The following CECR2 variants were observed in gnomAD, a reference collection of about 807,000 sequenced individuals.
The protein encoded by CECR2 is CECR2 histone acetyl-lysine reader.
CECR2 carries 30 observed loss-of-function variants against 154.5 expected under a neutral mutation model. That is an observed-to-expected ratio of 0.19 (90% CI 0.15 to 0.26). CECR2 has a LOEUF of 0.26. Ranked by LOEUF, CECR2 falls within the 10% of genes least tolerant of loss-of-function variation. CECR2 has a pLI of 1.00. For missense variants in CECR2, 1,743 were observed against 1,829.3 expected (o/e 0.95, Z 0.86); for synonymous variants, 725 against 683.7 (o/e 1.06, Z -0.94).
chr22:17,396,069 G>A (rs62241131), intron 1 of CECR2, among the ~76,000 whole-genome samples: 44,066 of 150,072 alleles, frequency 0.29, 7,246 homozygotes, highest in South Asian at 0.45. Context: ...TCGAGACCTC[G>A]TCTCTACGAA....
chr22:17,523,739 G>A (rs1229703352), intron 8 of CECR2, among the ~76,000 whole-genome samples: 2 of 130,394 alleles, frequency 1.5e-5, no homozygotes, highest in South Asian at 2.5e-4. Context: ...CTAGGCGACA[G>A]AGCGAGACTC....
intron 1 of CECR2, among the ~76,000 whole-genome samples, chr22:17,385,049 C>T (rs115032881): frequency 6.6e-6 from 1 of 152,208 alleles, no homozygotes; most frequent in African/African-American, 2.4e-5. Flanking sequence ...AGTTTCCTCA[C>T]CTTTCTAAGC....
chr22:17,475,913 T>C (rs2055200554), intron 1 of CECR2, among the ~76,000 whole-genome samples: 1 of 151,946 alleles, frequency 6.6e-6, no homozygotes, highest in Non-Finnish European at 1.5e-5. Flanking sequence ...TCCCACCCTC[T>C]ACCACTAGAA....
chr22:17,522,685 T>A (rs2056178537), intron 8 of CECR2, among the ~76,000 whole-genome samples: 1 of 152,180 alleles, frequency 6.6e-6, no homozygotes, highest in Admixed American at 6.5e-5. Flanking sequence ...TCATAGATTT[T>A]TGAATGGTGA....
intron 14 of CECR2, 81 bp downstream of exon 14, chr22:17,540,881 TC>T (rs1601539674): frequency 7.2e-7 from 1 of 1,380,526 alleles, no homozygotes; most frequent in Non-Finnish European, 9.6e-7. Flanking sequence ...AGTTAGTACT[TC>T]CTGCAAAATA....
intron 1 of CECR2, among the ~76,000 whole-genome samples, chr22:17,461,681 T>C (rs1237342120): frequency 1.3e-5 from 2 of 152,188 alleles, no homozygotes; most frequent in Admixed American, 6.5e-5. Flanking sequence ...CAGTCTTCGT[T>C]CCAGATGTTT....
chr22:17,461,999 G>A (rs770978186), intron 1 of CECR2, among the ~76,000 whole-genome samples: 19 of 151,738 alleles, frequency 1.3e-4, no homozygotes, highest in Non-Finnish European at 2.4e-4. Flanking sequence ...CACCATGTTG[G>A]TCAGGCTGAT....
intron 1 of CECR2, among the ~76,000 whole-genome samples, chr22:17,387,008 G>T (rs2063270953): frequency 6.6e-6 from 1 of 152,070 alleles, no homozygotes; most frequent in African/African-American, 2.4e-5. Context: ...ACTGTTGATT[G>T]TTTGGAATAC....
At chr22:17,375,933 C>T (rs1277323111) in intron 1 of CECR2, among the ~76,000 whole-genome samples, 3 of 147,758 alleles carry the variant, frequency 2.0e-5, no homozygotes, top group Non-Finnish European at 4.4e-5. Context: ...CCAGCCTGGG[C>T]AACAGAGCGA....
chr22:17,382,618 T>C (rs1389630758), intron 1 of CECR2, among the ~76,000 whole-genome samples: 1 of 152,200 alleles, frequency 6.6e-6, no homozygotes, highest in East Asian at 1.9e-4. Flanking sequence ...TTAAAAAATA[T>C]TTTAGGCTGG....
rs182523566 is a variant in CECR2 at position 17,474,757 on chromosome 22, G to A, written c.127-2831G>A. Among the ~76,000 whole-genome samples the A allele has an allele frequency of 5.9e-5, 9 of 152,234 alleles. No individual in the cohort carries two copies. The East Asian group carries it at 7.7e-4, about 13-fold the overall frequency. On this transcript the variant is annotated intron_variant, in intron 1 of 18. Coordinates refer to ENST00000262608, the MANE Select transcript of CECR2 (RefSeq NM_001290047.2). ...TAAGGAGATGCCACATGAACCATAC[G>A]GCAAACTTTATGCAGTCACCTCCTT...
chr22:17,521,984 C>T lies in CECR2; in HGVS notation c.955-2134C>T, dbSNP rs1315462953. The stretch of plus-strand genomic sequence containing the variant: ...TTTCTACATATGGCTAGCCAGTTTT[C>T]CCAGCACCATTTATTAAATACGGAA... On this transcript the variant is annotated intron_variant, in intron 8 of 18. Transcript: ENST00000262608. Among the ~76,000 whole-genome samples the T allele has an allele frequency of 2.6e-5, 4 of 152,298 alleles. No homozygotes were observed. In the East Asian group the frequency reaches 7.7e-4, roughly 29 times the overall value.
intron 1 of CECR2, among the ~76,000 whole-genome samples, chr22:17,444,609 A>AC (rs1320613629): frequency 1.3e-5 from 2 of 151,546 alleles, no homozygotes; most frequent in Non-Finnish European, 2.9e-5. Context: ...ACAAAGTGAG[A>AC]CTCCACCTAA....
At chr22:17,544,584 G>A (rs1029345311) in intron 16 of CECR2, among the ~76,000 whole-genome samples, 9 of 151,462 alleles carry the variant, frequency 5.9e-5, no homozygotes, top group African/African-American at 1.5e-4. Context: ...GCCAAGGCAG[G>A]CAGATCACCT....
chr22:17,479,467 A>G lies in CECR2; in HGVS notation c.221+1785A>G, dbSNP rs987045251. Among the ~76,000 whole-genome samples the G allele has an allele frequency of 1.1e-4, 16 of 152,206 alleles. No individual in the cohort carries two copies. The East Asian group carries it at 2.9e-3, about 27-fold the overall frequency. On this transcript the variant is annotated intron_variant, in intron 2 of 18. Transcript: ENST00000262608. ...TACAACAGTAAGTGCTTAGAAATAAAAATACAACATATTAACAGAGCATAC... is the reference window on the plus strand; with the variant it reads ...TACAACAGTAAGTGCTTAGAAATAAGAATACAACATATTAACAGAGCATAC...
At chr22:17,524,383 A>ATTTCTTTTTTTTTTTTTTTT in intron 9 of CECR2, 112 bp downstream of exon 9, 1 of 666,366 alleles carries the variant, frequency 1.5e-6, no homozygotes, top group Non-Finnish European at 2.2e-6. Context: ...GTTTCCGGCA[A>ATTTCTTTTTTTTTTTTTTTT]TTTCTTTTTT....
chr22:17,413,737 C>T (rs182496617), intron 1 of CECR2, among the ~76,000 whole-genome samples: 181 of 147,876 alleles, frequency 1.2e-3, no homozygotes, highest in African/African-American at 3.5e-3. Context: ...AGTACAGTGG[C>T]GCGATCTCAG....
chr22:17,427,131 A>C (rs59667935), intron 1 of CECR2, among the ~76,000 whole-genome samples: 23,146 of 150,858 alleles, frequency 0.15, 1,793 homozygotes, highest in South Asian at 0.19. Flanking sequence ...TGTCCTTGTG[A>C]TAGTTTGATG....
At chr22:17,485,050 T>G (rs2055396741) in intron 2 of CECR2, among the ~76,000 whole-genome samples, 1 of 152,184 alleles carries the variant, frequency 6.6e-6, no homozygotes, top group South Asian at 2.1e-4. Context: ...GTTTTTGCAC[T>G]TACAGGACAG....
Sources: gnomAD v4.1 joint callset for allele counts (sites outside exome capture counted in the v4.1 genomes callset) on GRCh38, gnomAD v4.1.1 for gene constraint, MANE v1.5 for transcripts, NCBI Gene and HGNC (gene_info 2026-07-23, HGNC 2026-07-21) for gene names.